Variants in SRGAP3 observed in about 807,000 individuals in gnomAD.
SRGAP3 encodes SLIT-ROBO Rho GTPase activating protein 3, also known as SLIT-ROBO Rho GTPase-activating protein 3.
A neutral mutation model predicts 121.1 loss-of-function variants in SRGAP3; 39 were observed. The ratio of observed to expected loss-of-function variants is 0.32; its 90% CI spans 0.25 to 0.42. SRGAP3 has a LOEUF of 0.42. Among genes scored for constraint, SRGAP3 ranks in the 10% least tolerant of loss-of-function variants. The pLI, the probability that SRGAP3 is intolerant of heterozygous loss-of-function variation, is 1.00. For synonymous variants in SRGAP3, 601 were observed against 570.0 expected (o/e 1.05, Z -0.77); for missense variants, 1,213 against 1,470.6 (o/e 0.82, Z 2.86).
intron 2 of SRGAP3, among the ~76,000 whole-genome samples, chr3:9,111,594 G>A (rs539600846): frequency 6.6e-6 from 1 of 152,322 alleles, no homozygotes; most frequent in East Asian, 1.9e-4. Flanking sequence ...TGGGACTGCA[G>A]GAGGGAGGAA....
intron 20 of SRGAP3, among the ~76,000 whole-genome samples, chr3:8,991,074 C>T (rs1942029234): frequency 6.6e-6 from 1 of 152,200 alleles, no homozygotes; most frequent in African/African-American, 2.4e-5. Flanking sequence ...CACGGTGCTT[C>T]CAGGCCACAG....
chr3:9,024,032 C>A (rs946209636), intron 14 of SRGAP3, among the ~76,000 whole-genome samples: 10 of 152,168 alleles, frequency 6.6e-5, no homozygotes, highest in Non-Finnish European at 1.3e-4. Flanking sequence ...GCTCAAGAGG[C>A]AGCTCCTTTG....
intron 18 of SRGAP3, among the ~76,000 whole-genome samples, chr3:9,006,406 A>AG (rs1943079367): frequency 6.6e-6 from 1 of 151,564 alleles, no homozygotes; most frequent in Non-Finnish European, 1.5e-5. Context: ...CTCAAAAAAA[A>AG]AAAAAAAAGA....
chr3:9,030,534 G>A (rs915632302), intron 12 of SRGAP3, among the ~76,000 whole-genome samples: 18 of 152,210 alleles, frequency 1.2e-4, no homozygotes, highest in South Asian at 6.2e-4. Context: ...CTGCAGCAAT[G>A]CCAACACATT....
chr3:9,169,194 G>T (rs1449804231), intron 1 of SRGAP3, among the ~76,000 whole-genome samples: 1 of 152,228 alleles, frequency 6.6e-6, no homozygotes, highest in Non-Finnish European at 1.5e-5. Flanking sequence ...TGGGGAGCAT[G>T]AAATAAAATA....
intron 2 of SRGAP3, among the ~76,000 whole-genome samples, chr3:9,329,965 C>T (rs1351105086): frequency 6.6e-6 from 1 of 152,158 alleles, no homozygotes; most frequent in Admixed American, 6.5e-5. Flanking sequence ...AAAAGTACTT[C>T]AATGCATTAT....
At chr3:9,289,535 AG>A in intron 3 of SRGAP3, among the ~76,000 whole-genome samples, 1 of 152,332 alleles carries the variant, frequency 6.6e-6, no homozygotes, top group Non-Finnish European at 1.5e-5. Context: ...TTCATGTTAT[AG>A]ATCCTCGTAA....
intron 10 of SRGAP3, among the ~76,000 whole-genome samples, chr3:9,042,783 G>A (rs1379578646): frequency 6.6e-6 from 1 of 152,184 alleles, no homozygotes; most frequent in African/African-American, 2.4e-5. Flanking sequence ...GTGGTCAGGC[G>A]ATGGCCTGGG....
chr3:9,059,388 A>C (rs1946006760), intron 6 of SRGAP3: 1 of 152,304 alleles, frequency 6.6e-6, no homozygotes, highest in Non-Finnish European at 1.5e-5. Flanking sequence ...GCCTTGGGCC[A>C]TTTGGGAGCT....
chr3:9,117,944 C>A (rs561842249), intron 2 of SRGAP3, among the ~76,000 whole-genome samples: 1 of 152,146 alleles, frequency 6.6e-6, no homozygotes, highest in East Asian at 1.9e-4. Flanking sequence ...CATAGCAAGA[C>A]CCCTGCCTCT....
In SRGAP3 at chr3:9,098,640, C is replaced by T. The variant is rs116457409; in HGVS notation, c.423+6040G>A. ...GACACATCTGGATTCAAACCCTAAC[C>T]TCACCTTTCTTGGCATCAGTTTCCT... is the stretch of plus-strand genomic sequence containing the variant. On this transcript the variant is annotated intron_variant, in intron 3 of 21. Coordinates refer to ENST00000383836, the MANE Select transcript of SRGAP3 (RefSeq NM_014850.4). Among the ~76,000 whole-genome samples the T allele has an allele frequency of 4.5e-3, 692 of 152,304 alleles. 10 individuals carry two copies. The highest frequency in any genetic ancestry group is 0.016 in the African/African-American group (652 of 41,556).
At chr3:9,275,628 G>C (rs148767408) in intron 3 of SRGAP3, among the ~76,000 whole-genome samples, 2,249 of 152,252 alleles carry the variant, frequency 0.015, 27 homozygotes, top group South Asian at 0.043. Context: ...CTCACGACAT[G>C]TGATGGTTTT....
chr3:9,197,822 A>G (rs987539389), intron 1 of SRGAP3, among the ~76,000 whole-genome samples: 47 of 152,274 alleles, frequency 3.1e-4, no homozygotes, highest in African/African-American at 1.1e-3. Context: ...TTGTGTTAAA[A>G]GTTTAAAGGG....
chr3:9,121,622 C>G (rs762387652), intron 2 of SRGAP3, among the ~76,000 whole-genome samples: 22 of 152,236 alleles, frequency 1.4e-4, no homozygotes, highest in Non-Finnish European at 3.1e-4. Context: ...AGCTGGGGCT[C>G]CCGTTCCGTC....
chr3:9,251,699 C>T (rs1171313228), upstream of SRGAP3, among the ~76,000 whole-genome samples: 6 of 152,096 alleles, frequency 3.9e-5, no homozygotes, highest in African/African-American at 1.4e-4. Flanking sequence ...GTGTAGGGTG[C>T]TGAGCCATGG....
At chr3:9,015,044 C>T (rs986220319) in intron 15 of SRGAP3, among the ~76,000 whole-genome samples, 3 of 152,176 alleles carry the variant, frequency 2.0e-5, no homozygotes, top group Admixed American at 6.5e-5. Flanking sequence ...AACTAACTAG[C>T]AATGTCAGAG....
At chr3:9,297,751 C>T (rs527462466) in intron 3 of SRGAP3, among the ~76,000 whole-genome samples, 1 of 152,180 alleles carries the variant, frequency 6.6e-6, no homozygotes, top group Non-Finnish European at 1.5e-5. Flanking sequence ...CAAAAATTAG[C>T]TGGGCATTGT....
chr3:9,265,320 A>C (rs150590619), intron 3 of SRGAP3, among the ~76,000 whole-genome samples: 1,590 of 152,322 alleles, frequency 0.01, 17 homozygotes, highest in African/African-American at 0.025. Context: ...ATGGGCAAAG[A>C]CTTCATGACT....
chr3:9,189,727 G>A (rs1353836419), intron 1 of SRGAP3, among the ~76,000 whole-genome samples: 2 of 152,184 alleles, frequency 1.3e-5, no homozygotes, highest in South Asian at 4.1e-4. Flanking sequence ...GAAGTTTCAT[G>A]TCCTTCACAT....
Sources: allele counts gnomAD v4.1 joint callset (sites outside exome capture counted in the v4.1 genomes callset), GRCh38; gene constraint gnomAD v4.1.1; transcripts MANE v1.5; gene names NCBI Gene and HGNC (gene_info 2026-07-23, HGNC 2026-07-21).